The following ATP8A2 variants were observed in gnomAD, a reference collection of about 807,000 sequenced individuals.
ATP8A2 encodes the protein phospholipid-transporting ATPase IB.
A neutral mutation model predicts 165.6 loss-of-function variants in ATP8A2; 100 were observed. That is an observed-to-expected ratio of 0.60 (90% CI 0.51 to 0.71). The LOEUF (loss-of-function observed/expected upper bound fraction) is 0.71. ATP8A2 is among the 30% of genes least tolerant of loss of function. The probability of loss-of-function intolerance (pLI) is 0.00; values close to 1 mark genes in which losing one functional copy is unlikely to be tolerated. For synonymous variants in ATP8A2, 543 were observed against 548.8 expected (o/e 0.99, Z 0.15); for missense variants, 1,227 against 1,479.5 (o/e 0.83, Z 2.80).
At chr13:25,960,160 G>A (rs1955626633) in intron 33 of ATP8A2, among the ~76,000 whole-genome samples, 1 of 152,210 alleles carries the variant, frequency 6.6e-6, no homozygotes, top group South Asian at 2.1e-4. Context: ...TTGGGATCAG[G>A]GTAAGCGGGT....
intron 2 of ATP8A2, among the ~76,000 whole-genome samples, chr13:25,484,221 C>T (rs974144957): frequency 3.9e-5 from 6 of 152,154 alleles, no homozygotes; most frequent in African/African-American, 7.2e-5. Flanking sequence ...TCACTGACAC[C>T]TCCTCCTGCA....
intron 2 of ATP8A2, among the ~76,000 whole-genome samples, chr13:25,487,253 AT>A (rs2137617425): frequency 6.6e-6 from 1 of 152,116 alleles, no homozygotes; most frequent in East Asian, 1.9e-4. Context: ...TGTACCTCTC[AT>A]TTCCTGTTTT....
chr13:25,439,375 C>T (rs750706261), intron 1 of ATP8A2, among the ~76,000 whole-genome samples: 4 of 152,132 alleles, frequency 2.6e-5, no homozygotes, highest in African/African-American at 9.7e-5. Flanking sequence ...CGTAGATCTC[C>T]ATAAATGTCT....
intron 25 of ATP8A2, among the ~76,000 whole-genome samples, chr13:25,746,837 T>C (rs899251686): frequency 2.0e-5 from 3 of 152,226 alleles, no homozygotes; most frequent in Non-Finnish European, 4.4e-5. Flanking sequence ...TCAAAATCAG[T>C]GTGGAATAAT....
At chr13:25,878,353 C>T (rs892599912) in intron 33 of ATP8A2, among the ~76,000 whole-genome samples, 8 of 152,040 alleles carry the variant, frequency 5.3e-5, no homozygotes, top group African/African-American at 9.7e-5. Flanking sequence ...AAAGAGGTCC[C>T]GATCCAGACC....
chr13:25,865,613 G>A (rs935552047), intron 33 of ATP8A2, among the ~76,000 whole-genome samples: 1 of 152,126 alleles, frequency 6.6e-6, no homozygotes, highest in Non-Finnish European at 1.5e-5. Context: ...AGGAAAGGAA[G>A]GGCTATAGAA....
chr13:25,897,375 G>C (rs1953589596), intron 33 of ATP8A2, among the ~76,000 whole-genome samples: 1 of 152,136 alleles, frequency 6.6e-6, no homozygotes, highest in Non-Finnish European at 1.5e-5. Context: ...CTCTCTTCTG[G>C]CTTGTAGAGT....
chr13:25,465,512 C>G (rs979014806), intron 1 of ATP8A2, among the ~76,000 whole-genome samples: 2 of 150,660 alleles, frequency 1.3e-5, no homozygotes, highest in Non-Finnish European at 3.0e-5. Context: ...TATCCAACAT[C>G]TAAATTCTTG....
chr13:25,484,644 A>T (rs1182473235), intron 2 of ATP8A2, among the ~76,000 whole-genome samples: 2 of 151,996 alleles, frequency 1.3e-5, no homozygotes, highest in Non-Finnish European at 2.9e-5. Flanking sequence ...CTTCCTGTGC[A>T]GCTGGGACTA....
intron 28 of ATP8A2, among the ~76,000 whole-genome samples, chr13:25,836,823 G>A (rs185827976): frequency 3.3e-5 from 5 of 152,326 alleles, no homozygotes; most frequent in East Asian, 1.9e-4. Flanking sequence ...GTCAGCTAGC[G>A]TGAGCAGAAA....
At chr13:25,946,995 A>G (rs1276613635) in intron 33 of ATP8A2, among the ~76,000 whole-genome samples, 6 of 152,062 alleles carry the variant, frequency 3.9e-5, no homozygotes, top group African/African-American at 1.2e-4. Flanking sequence ...TGATCCACCC[A>G]CCTCGGCCTC....
intron 1 of ATP8A2, among the ~76,000 whole-genome samples, chr13:25,463,437 TATA>T (rs1233105879): frequency 5.3e-4 from 80 of 152,152 alleles, no homozygotes; most frequent in African/African-American, 1.8e-3. Flanking sequence ...TACATATTAT[TATA>T]ATATTTAATG....
In ATP8A2 at chr13:25,728,559, A is replaced by C. The variant is rs1330569554; in HGVS notation, c.2384+29214A>C. 2.6e-5 allele frequency among the ~76,000 whole-genome samples: 4 copies of C among 152,330 alleles called. 1 individual carries two copies. In the South Asian group the frequency reaches 8.3e-4, roughly 32 times the overall value. On this transcript the variant is annotated intron_variant, in intron 25 of 36. Coordinates refer to ENST00000381655, the MANE Select transcript of ATP8A2 (RefSeq NM_016529.6). The stretch of plus-strand genomic sequence containing the variant: ...GATATTTGATCCATGTGATGGGCAG[A>C]TAAAATGTCTCTGTCTTAGAGAAAA...
intron 1 of ATP8A2, among the ~76,000 whole-genome samples, chr13:25,450,526 C>G (rs1004782357): frequency 1.6e-5 from 2 of 123,990 alleles, no homozygotes; most frequent in African/African-American, 5.5e-5. Flanking sequence ...TCTGACTGGT[C>G]TTTGTGTGTG....
chr13:25,593,812 G>C (rs979859500), intron 24 of ATP8A2, among the ~76,000 whole-genome samples: 1 of 152,176 alleles, frequency 6.6e-6, no homozygotes, highest in African/African-American at 2.4e-5. Flanking sequence ...TTGTGGACTA[G>C]AGTTAGTTTT....
rs57955107 is a variant in ATP8A2 at position 25,657,052 on chromosome 13, C to CAAAA, written c.2212-42095_2212-42092dup. Among the ~76,000 whole-genome samples, 16 of 67,726 alleles carry CAAAA rather than the reference C, an allele frequency of 2.4e-4. 2 individuals are homozygous for CAAAA. The East Asian group carries it at 7.5e-3, about 32-fold the overall frequency. The allele number at this position is 67,726 out of a possible 152,430, so 44.4% of individuals were successfully genotyped here. A position where few individuals can be genotyped will look rare whatever the true frequency, so the allele number is the denominator to read the frequency against. ...TGGGTGACAGATCGAGACTCTGTCT[C>CAAAA]AAAAAAAAAAAAAAAAAAAAAAAAA... On this transcript the variant is annotated intron_variant, in intron 24 of 36. Transcript: ENST00000381655.
intron 25 of ATP8A2, among the ~76,000 whole-genome samples, chr13:25,701,617 T>A (rs189763298): frequency 4.3e-4 from 65 of 152,162 alleles, no homozygotes; most frequent in Admixed American, 3.9e-3. Context: ...TATAAGTTTT[T>A]AAGAGGGAAA....
chr13:25,594,508 T>C (rs988671018), intron 24 of ATP8A2, among the ~76,000 whole-genome samples: 14 of 152,212 alleles, frequency 9.2e-5, no homozygotes, highest in African/African-American at 3.4e-4. Context: ...GTTCGTGAGA[T>C]TTTGGTGCAC....
chr13:25,907,920 G>A (rs1171493039), intron 33 of ATP8A2, among the ~76,000 whole-genome samples: 1 of 152,174 alleles, frequency 6.6e-6, no homozygotes, highest in African/African-American at 2.4e-5. Flanking sequence ...CCAACTCTAC[G>A]AGGAAATAGG....
Sources: allele counts gnomAD v4.1 joint callset (sites outside exome capture counted in the v4.1 genomes callset), GRCh38; gene constraint gnomAD v4.1.1; transcripts MANE v1.5; gene names NCBI Gene and HGNC (gene_info 2026-07-23, HGNC 2026-07-21).